SLC28A3: variants seen among roughly 807,000 people sequenced by gnomAD.
SLC28A3 encodes solute carrier family 28 member 3.
A neutral mutation model predicts 84.2 loss-of-function variants in SLC28A3; 68 were observed. That is an observed-to-expected ratio of 0.81 (90% CI 0.66 to 0.99). The LOEUF (loss-of-function observed/expected upper bound fraction) is 0.99. SLC28A3 is among the 50% of genes least tolerant of loss of function. The pLI is 0.00. For missense variants in SLC28A3, 712 were observed against 841.5 expected (o/e 0.85, Z 1.90); for synonymous variants, 267 against 303.6 (o/e 0.88, Z 1.25).
intron 16 of SLC28A3, 41 bp from the exon 17 acceptor site, chr9:84,279,426 GTTTT>G: frequency 7.4e-7 from 1 of 1,360,072 alleles, no homozygotes; most frequent in Non-Finnish European, 9.6e-7. Context: ...TTATTTTTTA[GTTTT>G]ATTTATGTAT....
chr9:84,285,715 GA>G (rs1444557125), intron 13 of SLC28A3, among the ~76,000 whole-genome samples, 173 bp from the exon 14 acceptor site: 1 of 152,130 alleles, frequency 6.6e-6, no homozygotes, highest in Non-Finnish European at 1.5e-5. Flanking sequence ...TCATTTGAAG[GA>G]AGCTGGATTC....
chr9:84,327,475 C>T (rs1826608428), intron 1 of SLC28A3, among the ~76,000 whole-genome samples: 1 of 152,032 alleles, frequency 6.6e-6, no homozygotes, highest in Non-Finnish European at 1.5e-5. Context: ...AGTTCTGTTT[C>T]CTTCTACACA....
At position 84,309,601 on chromosome 9, in the gene SLC28A3, G is replaced by C. The variant is rs1825919614; in HGVS notation, c.242+28C>G. The C allele has an allele frequency of 2.6e-6, 4 of 1,544,016 alleles. No homozygotes were observed. In the East Asian group the frequency reaches 9.1e-5, roughly 35 times the overall value. ...ATAAAACCAAACGGGAGGTAGGCTT[G>C]GTTATTTCCCTGTTTTAAAGACTGT... On this transcript the variant is annotated intron_variant, in intron 3 of 17. Coordinates refer to ENST00000376238, the MANE Select transcript of SLC28A3 (RefSeq NM_001199633.2).
chr9:84,329,374 A>T (rs1263524325), intron 1 of SLC28A3, among the ~76,000 whole-genome samples: 1 of 152,212 alleles, frequency 6.6e-6, no homozygotes, highest in Non-Finnish European at 1.5e-5. Context: ...ACTAGACCTT[A>T]TAGACATATA....
At chr9:84,308,075 A>G (rs2118373063) in intron 3 of SLC28A3, among the ~76,000 whole-genome samples, 1 of 152,326 alleles carries the variant, frequency 6.6e-6, no homozygotes, top group Non-Finnish European at 1.5e-5. Context: ...AATTCTGGCC[A>G]ACTCCAGAGA....
intron 1 of SLC28A3, among the ~76,000 whole-genome samples, chr9:84,319,018 A>G (rs937870562): frequency 3.9e-5 from 6 of 152,210 alleles, no homozygotes; most frequent in Non-Finnish European, 5.9e-5. Context: ...AAAATCTAAG[A>G]TGATTCCAGG....
At chr9:84,359,799 G>A in the SLC28A3 span, among the ~76,000 whole-genome samples, 1 of 151,928 alleles carries the variant, frequency 6.6e-6, no homozygotes, top group Non-Finnish European at 1.5e-5. Flanking sequence ...CCAGGAGTTC[G>A]AGACCAGCCT....
chr9:84,283,162 C>T (rs1173238736), intron 14 of SLC28A3, among the ~76,000 whole-genome samples: 6 of 152,206 alleles, frequency 3.9e-5, no homozygotes, highest in Non-Finnish European at 7.3e-5. Flanking sequence ...CAGATGTGGC[C>T]ATGATGGGTT....
the SLC28A3 span, among the ~76,000 whole-genome samples, chr9:84,358,776 G>A: frequency 6.6e-6 from 1 of 152,088 alleles, no homozygotes; most frequent in African/African-American, 2.4e-5. Flanking sequence ...TACTGAACTG[G>A]AAAGAAGACA....
chr9:84,287,855 CT>C (rs1215542117), intron 12 of SLC28A3, among the ~76,000 whole-genome samples, 192 bp downstream of exon 12: 2 of 152,152 alleles, frequency 1.3e-5, no homozygotes, highest in African/African-American at 2.4e-5. Context: ...TTAAAAAAGT[CT>C]TTTTTGAGCA....
At chr9:84,307,938 C>A (rs1257496038) in intron 3 of SLC28A3, among the ~76,000 whole-genome samples, 1 of 152,144 alleles carries the variant, frequency 6.6e-6, no homozygotes, top group East Asian at 1.9e-4. Context: ...CCTCTGACCA[C>A]CCAAGAGAAT....
At chr9:84,288,573 G>A (rs1198044417) in intron 11 of SLC28A3, among the ~76,000 whole-genome samples, 2 of 150,140 alleles carry the variant, frequency 1.3e-5, no homozygotes, top group Non-Finnish European at 3.0e-5. Flanking sequence ...TTTTTGAGAT[G>A]GAGTCTTGCT....
intron 3 of SLC28A3, 86 bp downstream of exon 3, chr9:84,309,543 A>AG (rs1825915449): frequency 1.2e-6 from 1 of 841,666 alleles, no homozygotes; most frequent in East Asian, 3.0e-5. Flanking sequence ...AAAAAAAAAA[A>AG]AAAAAGAAAT....
chr9:84,315,547 G>C (rs1826141289), intron 1 of SLC28A3, among the ~76,000 whole-genome samples: 2 of 152,196 alleles, frequency 1.3e-5, no homozygotes. Context: ...TGTGTGTTGA[G>C]GGATAGAGTG....
intron 14 of SLC28A3, 103 bp downstream of exon 14, chr9:84,285,242 T>C: frequency 8.6e-7 from 1 of 1,158,158 alleles, no homozygotes; most frequent in Admixed American, 2.1e-5. Flanking sequence ...CTCTAATCTA[T>C]CCCAGGTGCC....
intron 1 of SLC28A3, among the ~76,000 whole-genome samples, chr9:84,333,013 C>T (rs79257653): frequency 0.019 from 2,909 of 152,148 alleles, 39 homozygotes; most frequent in Middle Eastern, 0.054. Context: ...ATTTATTTGC[C>T]AAAGTTAAGG....
chr9:84,364,256 C>T, the SLC28A3 span, among the ~76,000 whole-genome samples: 2 of 151,580 alleles, frequency 1.3e-5, no homozygotes, highest in African/African-American at 4.8e-5. Flanking sequence ...TCCCGAGTGG[C>T]TTATAGGCAT....
chr9:84,300,043 C>T (rs1190575039), intron 5 of SLC28A3, among the ~76,000 whole-genome samples: 3 of 152,156 alleles, frequency 2.0e-5, no homozygotes, highest in African/African-American at 7.2e-5. Context: ...TTGCCCGCCT[C>T]GGCCTCCCAA....
At chr9:84,331,576 G>T (rs1826790018) in intron 1 of SLC28A3, among the ~76,000 whole-genome samples, 1 of 152,090 alleles carries the variant, frequency 6.6e-6, no homozygotes, top group Admixed American at 6.6e-5. Context: ...CTGTGTGTTT[G>T]TGCAGAGTGA....
Sources: allele counts gnomAD v4.1 joint callset (sites outside exome capture counted in the v4.1 genomes callset), GRCh38; gene constraint gnomAD v4.1.1; transcripts MANE v1.5; gene names NCBI Gene and HGNC (gene_info 2026-07-23, HGNC 2026-07-21).